Variants in RIPOR1 observed in about 807,000 individuals in gnomAD.
RIPOR1 encodes rho family-interacting cell polarization regulator 1.
RIPOR1 carries 58 observed loss-of-function variants against 116.5 expected under a neutral mutation model. That is an observed-to-expected ratio of 0.50 (90% CI 0.40 to 0.62). The LOEUF (loss-of-function observed/expected upper bound fraction) is 0.62. Among genes scored for constraint, RIPOR1 ranks in the 20% least tolerant of loss-of-function variants. RIPOR1 has a pLI of 0.00. For synonymous variants in RIPOR1, 605 were observed against 650.0 expected (o/e 0.93, Z 1.05); for missense variants, 1,372 against 1,586.2 (o/e 0.86, Z 2.29).
chr16:67,529,776 C>T lies in RIPOR1; in HGVS notation c.-24+862C>T. The stretch of plus-strand genomic sequence containing the variant: ...CCTGGCTGCAGTCTGCGGGGCCGCG[C>T]CCTGGGCCTGCCGCATTCGGCCAAC... On this transcript the variant is annotated intron_variant, in intron 1 of 21. Coordinates refer to ENST00000042381, the MANE Select transcript of RIPOR1 (RefSeq NM_024519.4). This position sits in a 1 kb window ranked among gnomAD's most constrained non-coding sequence, Gnocchi z 4.1. 3.3e-6 allele frequency: 5 copies of T among 1,535,416 alleles called. No individual in the cohort carries two copies. The highest frequency in any genetic ancestry group is 3.5e-6 in the Non-Finnish European group (4 of 1,146,842).
chr16:67,520,604 C>T (rs1044685062), intron 1 of RIPOR1, among the ~76,000 whole-genome samples: 3 of 151,852 alleles, frequency 2.0e-5, no homozygotes, highest in African/African-American at 4.8e-5. Flanking sequence ...AGTTTGAGAG[C>T]AGACTGACCA....
In RIPOR1 at chr16:67,544,934, G is replaced by A. The variant is rs769995158; in HGVS notation, c.2870-22G>A. 12 of 1,608,980 alleles carry A rather than the reference G, an allele frequency of 7.5e-6. No individual in the cohort carries two copies. The highest frequency in any genetic ancestry group is 3.3e-5 in the Admixed American group (2 of 59,976). On this transcript the variant is annotated intron_variant, in intron 16 of 21. Coordinates refer to ENST00000042381, the MANE Select transcript of RIPOR1 (RefSeq NM_024519.4). The surrounding 1 kb of genome is among the most constrained non-coding windows in gnomAD (Gnocchi z 5.1). The stretch of plus-strand genomic sequence containing the variant: ...ACTCACCTGCCTGCCTGTTGCTGAC[G>A]GTTTCCCTCACCCCCTCACAGTGGT...
intron 2 of RIPOR1, 26 bp downstream of exon 2, chr16:67,538,576 G>A (rs1299119995): frequency 1.2e-6 from 2 of 1,610,160 alleles, no homozygotes; most frequent in Non-Finnish European, 1.7e-6. Context: ...GGGTTGGTGG[G>A]GTCAAAGGGC....
Position 67,538,998 on chromosome 16 carries a change from T to C in RIPOR1, c.266T>C (p.Leu89Ser), listed in dbSNP as rs766312127. The change falls in exon 4 of 22, where the codon TTG becomes TCG. Residue 89 changes from leucine (L) to serine (S), a missense_variant. Leu to Ser is a moderately radical substitution (Grantham distance 145). Coordinates refer to ENST00000042381, the MANE Select transcript of RIPOR1 (RefSeq NM_024519.4). ...GTCGCCCCTTTCCTCAGGGCCTACT[T>C]GGAAGTGCACCAGCAGGAGCAAGAG... ...TALKRGLTAY[L>S]EVHQQEQEKL... 1.9e-6 allele frequency: 3 copies of C among 1,613,788 alleles called. No individual in the cohort carries two copies. Among genetic ancestry groups the C allele is most frequent in the Non-Finnish European group, 2.5e-6 (3 of 1,179,914 alleles).
At position 67,545,298 on chromosome 16, in the gene RIPOR1, G is replaced by A. The variant is rs1334457112; in HGVS notation, c.3032-78G>A. On this transcript the variant is annotated intron_variant, in intron 17 of 21. Coordinates refer to ENST00000042381, the MANE Select transcript of RIPOR1 (RefSeq NM_024519.4). This position sits in a 1 kb window ranked among gnomAD's most constrained non-coding sequence, Gnocchi z 4.8. ...TTGAACAGGGGGCCCCTGGACCTGA[G>A]CCTGGGATAGGAGCATCTCTCCCCT... 1.3e-6 allele frequency: 2 copies of A among 1,560,848 alleles called. No individual in the cohort carries two copies. The highest frequency in any genetic ancestry group is 1.7e-6 in the Non-Finnish European group (2 of 1,151,230).
Position 67,528,927 on chromosome 16 carries a change from C to T in RIPOR1, c.-24+13C>T. Reference sequence around the variant, plus strand: ...CCAGCGCAGCCATGTGAGTGTCCCGCGCCGTTTCCGGGGCTGCAGGCCGGG... The same window carrying T: ...CCAGCGCAGCCATGTGAGTGTCCCGTGCCGTTTCCGGGGCTGCAGGCCGGG... On this transcript the variant is annotated intron_variant, in intron 1 of 21. Coordinates refer to ENST00000042381, the MANE Select transcript of RIPOR1 (RefSeq NM_024519.4). The T allele has an allele frequency of 5.2e-6, 1 of 192,916 alleles. No homozygotes were observed. The allele number at this position is 192,916 out of a possible 1,614,324, so 12.0% of individuals were successfully genotyped here. A position where few individuals can be genotyped will look rare whatever the true frequency, so the allele number is the denominator to read the frequency against.
rs1248435382 is a variant in RIPOR1 at position 67,543,904 on chromosome 16, T to A, written c.2601-395T>A. ...CTCCCAGAGGCCCTGGCCCCTCAAC[T>A]GTCAGTCCTGGAGTGGCCTTTGCTG... On this transcript the variant is annotated intron_variant, in intron 14 of 21. Coordinates refer to ENST00000042381, the MANE Select transcript of RIPOR1 (RefSeq NM_024519.4). The surrounding 1 kb of genome is among the most constrained non-coding windows in gnomAD (Gnocchi z 4.7). 3 of 358,382 alleles carry A rather than the reference T, an allele frequency of 8.4e-6. No individual in the cohort carries two copies. Among genetic ancestry groups the A allele is most frequent in the Non-Finnish European group, 1.6e-5 (3 of 192,772 alleles). The allele number at this position is 358,382 out of a possible 1,614,324, so 22.2% of individuals were successfully genotyped here.
upstream of RIPOR1, among the ~76,000 whole-genome samples, chr16:67,525,055 T>C (rs1407768743): frequency 6.6e-6 from 1 of 152,248 alleles, no homozygotes; most frequent in Non-Finnish European, 1.5e-5. Context: ...AGGCTGCTCC[T>C]TTCTCCTGTG....
At position 67,543,483 on chromosome 16, in the gene RIPOR1, G is replaced by A; in HGVS notation, c.2600+14G>A. 1 of 1,548,736 alleles carries A rather than the reference G, an allele frequency of 6.5e-7. No individual in the cohort carries two copies. Among genetic ancestry groups the A allele is most frequent in the Non-Finnish European group, 8.7e-7 (1 of 1,147,074 alleles). On this transcript the variant is annotated intron_variant, in intron 14 of 21. Coordinates refer to ENST00000042381, the MANE Select transcript of RIPOR1 (RefSeq NM_024519.4). The surrounding 1 kb of genome is among the most constrained non-coding windows in gnomAD (Gnocchi z 4.7). ...TCCTGGGGACAGGTGAGGGGGCTAG[G>A]CAAGATGGGTGTGAGGCTAGGTGAG...
At chr16:67,532,453 T>A (rs1208873240) in intron 1 of RIPOR1, among the ~76,000 whole-genome samples, 3 of 151,284 alleles carry the variant, frequency 2.0e-5, no homozygotes, top group African/African-American at 7.3e-5. Flanking sequence ...GGTGACAGCG[T>A]GAGACCTCGT....
Position 67,540,709 on chromosome 16 carries a change from T to C in RIPOR1, c.801+5T>C, listed in dbSNP as rs560398662. 6.3e-7 allele frequency: 1 copy of C among 1,586,188 alleles called. No individual in the cohort carries two copies. Among genetic ancestry groups the C allele is most frequent in the Admixed American group, 1.7e-5 (1 of 57,520 alleles). Reference sequence around the variant, plus strand: ...ACGGAATTTCTGTCTATTAAGGTGATGTCTCTGCCCAGGACGGCAGGCCAC... The same window carrying C: ...ACGGAATTTCTGTCTATTAAGGTGACGTCTCTGCCCAGGACGGCAGGCCAC... On this transcript the variant is annotated splice_donor_5th_base_variant and intron_variant, in intron 10 of 21. Transcript: ENST00000042381. This position sits in a 1 kb window ranked among gnomAD's most constrained non-coding sequence, Gnocchi z 4.7.
chr16:67,522,191 A>ATTTTTTTTTT (rs34835336), intron 1 of RIPOR1, among the ~76,000 whole-genome samples: 14 of 71,340 alleles, frequency 2.0e-4, no homozygotes, highest in Non-Finnish European at 2.4e-4. Flanking sequence ...CCACGCCCAG[A>ATTTTTTTTTT]TTTTTTTTTT....
Position 67,529,928 on chromosome 16 carries a change from C to T in RIPOR1, c.-24+1014C>T. ...GAGGATTAGATCTGAGTCCTTGCCC[C>T]TGCGACACCCACCTCCGTGGTATTG... On this transcript the variant is annotated intron_variant, in intron 1 of 21. Coordinates refer to ENST00000042381, the MANE Select transcript of RIPOR1 (RefSeq NM_024519.4). The surrounding 1 kb of genome is among the most constrained non-coding windows in gnomAD (Gnocchi z 4.1). 3.0e-6 allele frequency: 3 copies of T among 995,198 alleles called. No individual in the cohort carries two copies. The highest frequency in any genetic ancestry group is 4.6e-6 in the Non-Finnish European group (3 of 652,762). 61.6% of individuals were successfully genotyped at this position (995,198 alleles called of 1,614,324 possible).
rs1042568979 is a variant in RIPOR1 at position 67,529,010 on chromosome 16, G to A, written c.-24+96G>A. 1.2e-5 allele frequency: 2 copies of A among 163,260 alleles called. No individual in the cohort carries two copies. The highest frequency in any genetic ancestry group is 2.7e-5 in the Non-Finnish European group (2 of 73,870). 10.1% of individuals were successfully genotyped at this position (163,260 alleles called of 1,614,324 possible). ...CCGCCGGCGCCGCCCGGTGGGTCCG[G>A]GATCTGCGGCTCTGTCCCGCCTCAC... On this transcript the variant is annotated intron_variant, in intron 1 of 21. Coordinates refer to ENST00000042381, the MANE Select transcript of RIPOR1 (RefSeq NM_024519.4). The surrounding 1 kb of genome is among the most constrained non-coding windows in gnomAD (Gnocchi z 4.1).
Position 67,529,987 on chromosome 16 carries a change from G to A in RIPOR1, c.-24+1073G>A, listed in dbSNP as rs776819663. 14 of 712,138 alleles carry A rather than the reference G, an allele frequency of 2.0e-5. No individual in the cohort carries two copies. The highest frequency in any genetic ancestry group is 3.5e-5 in the Non-Finnish European group (14 of 400,734). 44.1% of individuals were successfully genotyped at this position (712,138 alleles called of 1,614,324 possible). A position where few individuals can be genotyped will look rare whatever the true frequency, so the allele number is the denominator to read the frequency against. On this transcript the variant is annotated intron_variant, in intron 1 of 21. Coordinates refer to ENST00000042381, the MANE Select transcript of RIPOR1 (RefSeq NM_024519.4). This position sits in a 1 kb window ranked among gnomAD's most constrained non-coding sequence, Gnocchi z 4.1. ...AGAGGAATGATAATTGGGGGCTGAG[G>A]TACAAAATACTCCAGCGGGACAAGG...
Position 67,545,775 on chromosome 16 carries a change from T to C in RIPOR1, c.3302T>C (p.Leu1101Pro), listed in dbSNP as rs1459940489. Reference protein sequence around the residue: ...RRDGLRALSSLLVHGNNKVMA... With the variant: ...RRDGLRALSSPLVHGNNKVMA... ...GACGGGCTGCGGGCCCTCAGCTCCC[T>C]GCTCGTCCATGGCAACAACAAGGTC... The change falls in exon 19 of 22, where the codon CTG (leucine) becomes CCG (proline). Residue 1101 changes from leucine (L) to proline (P), a missense_variant. Leu to Pro is a moderately conservative substitution (Grantham distance 98, BLOSUM62 -3). This residue lies in a region of RIPOR1 where 1,005 missense variants were observed against 1,144.7 expected (regional missense o/e 0.88). Coordinates refer to ENST00000042381, the MANE Select transcript of RIPOR1 (RefSeq NM_024519.4). The surrounding 1 kb of genome is among the most constrained non-coding windows in gnomAD (Gnocchi z 4.8). The C allele has an allele frequency of 6.2e-7, 1 of 1,612,786 alleles. No individual in the cohort carries two copies. Among genetic ancestry groups the C allele is most frequent in the Non-Finnish European group, 8.5e-7 (1 of 1,179,478 alleles).
chr16:67,527,866 A>G (rs1288216086), upstream of RIPOR1, among the ~76,000 whole-genome samples: 1 of 151,650 alleles, frequency 6.6e-6, no homozygotes, highest in Non-Finnish European at 1.5e-5. Context: ...AAAAAAAAAA[A>G]AAAAACCCGA....
At position 67,546,422 on chromosome 16, in the gene RIPOR1, C is replaced by G. The variant is rs781116267; in HGVS notation, c.3619C>G (p.Arg1207Gly). The change falls in exon 22 of 22, where the codon CGC becomes GGC. Residue 1207 changes from arginine (R) to glycine (G), a missense_variant. This residue lies in a region of RIPOR1 where 1,005 missense variants were observed against 1,144.7 expected (regional missense o/e 0.88). Transcript: ENST00000042381. Reference sequence around the variant, plus strand: ...GGAGGAGTCCCTGGACGCCCTGCCCCGCATCTTTGGGCCTGGCAGCATGGC... The same window carrying G: ...GGAGGAGTCCCTGGACGCCCTGCCCGGCATCTTTGGGCCTGGCAGCATGGC... ...RLEESLDALP[R>G]IFGPGSMAST... 2.0e-5 allele frequency: 33 copies of G among 1,614,050 alleles called. No individual in the cohort carries two copies. Among genetic ancestry groups the G allele is most frequent in the Non-Finnish European group, 2.7e-5 (32 of 1,180,018 alleles).
chr16:67,522,366 C>A (rs536075213), intron 1 of RIPOR1, among the ~76,000 whole-genome samples: 1 of 151,978 alleles, frequency 6.6e-6, no homozygotes, highest in South Asian at 2.1e-4. Context: ...CCATGCCTGG[C>A]TTATTTTGTA....
Sources: allele counts gnomAD v4.1 joint callset (sites outside exome capture counted in the v4.1 genomes callset), GRCh38; gene constraint gnomAD v4.1.1; regional missense constraint gnomAD v4.1.1; non-coding constraint Gnocchi (gnomAD v3.1); transcripts MANE v1.5; gene names NCBI Gene and HGNC (gene_info 2026-07-23, HGNC 2026-07-21).